Variants in CNTN6 observed in about 807,000 individuals in gnomAD.
CNTN6 encodes contactin 6, also known as contactin-6.
A neutral mutation model predicts 122.8 loss-of-function variants in CNTN6; 137 were observed. The ratio of observed to expected loss-of-function variants is 1.12; its 90% CI spans 0.97 to 1.29. The LOEUF is 1.29. Among genes scored for constraint, CNTN6 ranks in the 50% most tolerant of loss-of-function variants. CNTN6 has a pLI of 0.00. For synonymous variants in CNTN6, 570 were observed against 426.0 expected (o/e 1.34, Z -4.16); for missense variants, 1,634 against 1,223.4 (o/e 1.34, Z -5.01).
chr3:1,098,785 C>CATAT (rs1279985142), intron 1 of CNTN6, among the ~76,000 whole-genome samples: 273 of 49,396 alleles, frequency 5.5e-3, no homozygotes, highest in African/African-American at 7.5e-3. Context: ...CACACACACA[C>CATAT]ACACATATAT....
intron 11 of CNTN6, among the ~76,000 whole-genome samples, chr3:1,345,489 C>T (rs1319069629): frequency 3.3e-5 from 5 of 152,068 alleles, no homozygotes; most frequent in Non-Finnish European, 7.4e-5. Flanking sequence ...TTTAAATGAG[C>T]AAACTTTGTA....
intron 22 of CNTN6, 88 bp from the exon 23 acceptor site, chr3:1,403,230 G>A (rs1022779592): frequency 5.5e-6 from 4 of 722,560 alleles, no homozygotes; most frequent in East Asian, 2.7e-5. Context: ...GAAGAGAAAT[G>A]ATAGTATGAA....
chr3:1,178,122 A>G (rs1165974304), intron 2 of CNTN6, among the ~76,000 whole-genome samples: 4 of 151,798 alleles, frequency 2.6e-5, no homozygotes, highest in Non-Finnish European at 5.9e-5. Flanking sequence ...GCTGGTCTTG[A>G]ACTCCTAACC....
At chr3:1,366,059 C>T (rs760871869) in intron 12 of CNTN6, among the ~76,000 whole-genome samples, 7 of 152,040 alleles carry the variant, frequency 4.6e-5, no homozygotes, top group African/African-American at 9.7e-5. Flanking sequence ...GATGAAAGGA[C>T]GTATTCAAGG....
At chr3:1,140,714 A>T (rs1402045672) in intron 1 of CNTN6, among the ~76,000 whole-genome samples, 1 of 152,188 alleles carries the variant, frequency 6.6e-6, no homozygotes, top group Non-Finnish European at 1.5e-5. Flanking sequence ...ATTAAAAAAA[A>T]ATTGTAGAAA....
intron 4 of CNTN6, among the ~76,000 whole-genome samples, chr3:1,261,638 A>G (rs996778487): frequency 1.4e-4 from 21 of 152,100 alleles, no homozygotes; most frequent in African/African-American, 5.1e-4. Context: ...CCTCTAACGT[A>G]ACTGTCCCCC....
chr3:1,352,544 T>C lies in CNTN6; in HGVS notation c.1492+93T>C, dbSNP rs753010263. ...ATGGTGTCAAACCTGTACCATATTG[T>C]GTATGTAAAATTGTTGATTTCACAA... is the stretch of plus-strand genomic sequence containing the variant. On this transcript the variant is annotated intron_variant, in intron 12 of 22. Coordinates refer to ENST00000446702, the MANE Select transcript of CNTN6 (RefSeq NM_001289080.2). 254 of 1,450,446 alleles carry C rather than the reference T, an allele frequency of 1.8e-4. No individual in the cohort carries two copies. In the Middle Eastern group the frequency reaches 2.0e-3, roughly 12 times the overall value. 89.8% of individuals were successfully genotyped at this position (1,450,446 alleles called of 1,614,324 possible). A position where few individuals can be genotyped will look rare whatever the true frequency, so the allele number is the denominator to read the frequency against.
At chr3:1,310,837 AC>A (rs1699117117) in intron 7 of CNTN6, among the ~76,000 whole-genome samples, 1 of 152,118 alleles carries the variant, frequency 6.6e-6, no homozygotes, top group South Asian at 2.1e-4. Flanking sequence ...CCCCATCTCT[AC>A]TAAAAATACA....
intron 5 of CNTN6, among the ~76,000 whole-genome samples, chr3:1,286,192 C>A (rs968169358): frequency 1.3e-5 from 2 of 152,120 alleles, no homozygotes; most frequent in Non-Finnish European, 2.9e-5. Flanking sequence ...GGAAGTAATT[C>A]TTTTTTTCTC....
At chr3:1,204,415 G>T (rs2125444483) in intron 2 of CNTN6, among the ~76,000 whole-genome samples, 1 of 152,322 alleles carries the variant, frequency 6.6e-6, no homozygotes. Flanking sequence ...TCAAAAGAAA[G>T]AATCTGAGTT....
intron 1 of CNTN6, among the ~76,000 whole-genome samples, chr3:1,107,477 A>G (rs2091280323): frequency 6.6e-6 from 1 of 152,122 alleles, no homozygotes; most frequent in South Asian, 2.1e-4. Flanking sequence ...TTTTTATTGC[A>G]CATATTGTGA....
At chr3:1,264,873 T>C (rs1349359552) in intron 4 of CNTN6, among the ~76,000 whole-genome samples, 1 of 152,010 alleles carries the variant, frequency 6.6e-6, no homozygotes, top group Admixed American at 6.6e-5. Flanking sequence ...TATGCACCCC[T>C]CTCCCCCAGC....
chr3:1,256,662 AAAG>A (rs1378146494), intron 4 of CNTN6, among the ~76,000 whole-genome samples: 3 of 152,154 alleles, frequency 2.0e-5, no homozygotes, highest in Non-Finnish European at 2.9e-5. Context: ...ATCAAGAAGA[AAAG>A]AAGACAAAAA....
At chr3:1,253,052 G>C (rs3772336) in intron 4 of CNTN6, among the ~76,000 whole-genome samples, 1 of 152,080 alleles carries the variant, frequency 6.6e-6, no homozygotes, top group Admixed American at 6.6e-5. Flanking sequence ...TCCTATGTGC[G>C]TGTTCTAATC....
intron 1 of CNTN6, among the ~76,000 whole-genome samples, chr3:1,112,948 T>C (rs1358547981): frequency 2.0e-5 from 3 of 152,256 alleles, no homozygotes; most frequent in African/African-American, 7.2e-5. Context: ...AAATGCATGC[T>C]ATTTATAGAA....
intron 2 of CNTN6, among the ~76,000 whole-genome samples, chr3:1,151,006 G>C (rs1015522590): frequency 6.6e-6 from 1 of 152,138 alleles, no homozygotes; most frequent in African/African-American, 2.4e-5. Context: ...GAAAGGCAGG[G>C]GGACAGATTC....
chr3:1,144,977 C>G (rs1230027936), intron 1 of CNTN6, among the ~76,000 whole-genome samples: 10 of 152,100 alleles, frequency 6.6e-5, no homozygotes, highest in Non-Finnish European at 1.3e-4. Context: ...AAATAATTTT[C>G]TAGCCCAAGG....
At chr3:1,103,972 A>G (rs1439761094) in intron 1 of CNTN6, among the ~76,000 whole-genome samples, 1 of 152,084 alleles carries the variant, frequency 6.6e-6, no homozygotes, top group Non-Finnish European at 1.5e-5. Flanking sequence ...TAAATTACCA[A>G]TATTAATAAT....
At position 1,353,439 on chromosome 3, in the gene CNTN6, A is replaced by G. The variant is rs533372248; in HGVS notation, c.1492+988A>G. Among the ~76,000 whole-genome samples, 94 of 151,854 alleles carry G rather than the reference A, an allele frequency of 6.2e-4. 2 individuals are homozygous for G. The highest frequency in any genetic ancestry group is 1.9e-3 in the African/African-American group (77 of 41,538). On this transcript the variant is annotated intron_variant, in intron 12 of 22. Coordinates refer to ENST00000446702, the MANE Select transcript of CNTN6 (RefSeq NM_001289080.2). ...CTTGTCTCAAGCGTATTACATTATG[A>G]CGACAATTGTCTGAAGTATTCTGGG...
Sources: gnomAD v4.1 joint callset for allele counts (sites outside exome capture counted in the v4.1 genomes callset) on GRCh38, gnomAD v4.1.1 for gene constraint, MANE v1.5 for transcripts, NCBI Gene and HGNC (gene_info 2026-07-23, HGNC 2026-07-21) for gene names.